The following HMGCLL1 variants were observed in gnomAD, a reference collection of about 807,000 sequenced individuals.
The protein encoded by HMGCLL1 is 3-hydroxymethyl-3-methylglutaryl-CoA lyase, cytoplasmic.
Under a neutral mutation model 39.1 loss-of-function variants are expected in HMGCLL1, and 36 were observed. The ratio of observed to expected loss-of-function variants is 0.92; its 90% CI spans 0.71 to 1.22. The LOEUF (loss-of-function observed/expected upper bound fraction) is 1.22. HMGCLL1 is among the 50% of genes most tolerant of loss of function. The pLI, the probability that HMGCLL1 is intolerant of heterozygous loss-of-function variation, is 0.00. For missense variants in HMGCLL1, 451 were observed against 416.5 expected (o/e 1.08, Z -0.72); for synonymous variants, 149 against 144.0 (o/e 1.03, Z -0.25).
intron 7 of HMGCLL1, among the ~76,000 whole-genome samples, chr6:55,465,710 T>G (rs1764769839): frequency 6.6e-6 from 1 of 152,130 alleles, no homozygotes; most frequent in African/African-American, 2.4e-5. Flanking sequence ...AAGAAATATT[T>G]TTCTCCTCTA....
At position 55,434,972 on chromosome 6, in the gene HMGCLL1, A is replaced by G. The variant is rs16886733; in HGVS notation, c.*690T>C. ...GAGTAACACCATGCTGGTTTTTACT[A>G]TAACTGATGACAGGTAAAGTGTGGT... On this transcript the variant is annotated 3_prime_UTR_variant, in exon 9 of 9. Coordinates refer to ENST00000274901, the MANE Select transcript of HMGCLL1 (RefSeq NM_001042406.2). 2.8e-4 allele frequency: 42 copies of G among 152,436 alleles called. No individual in the cohort carries two copies. Among genetic ancestry groups the G allele is most frequent in the African/African-American group, 9.4e-4 (39 of 41,444 alleles). 9.4% of individuals were successfully genotyped at this position (152,436 alleles called of 1,614,324 possible). A position where few individuals can be genotyped will look rare whatever the true frequency, so the allele number is the denominator to read the frequency against.
chr6:55,598,107 G>T, the HMGCLL1 span, among the ~76,000 whole-genome samples: 1 of 151,992 alleles, frequency 6.6e-6, no homozygotes, highest in Admixed American at 6.6e-5. Flanking sequence ...CTCATCAGTG[G>T]ATGTGTTCAA....
chr6:55,674,471 T>C, the HMGCLL1 span, among the ~76,000 whole-genome samples: 1 of 151,934 alleles, frequency 6.6e-6, no homozygotes, highest in Non-Finnish European at 1.5e-5. Context: ...CAACTAACTT[T>C]AAAATATGCA....
upstream of HMGCLL1, chr6:55,579,286 G>A: frequency 1.7e-6 from 1 of 584,924 alleles, no homozygotes; most frequent in Non-Finnish European, 3.1e-6. Flanking sequence ...GGAATCGACA[G>A]AAATGCCGAG....
At chr6:55,630,557 G>C in the HMGCLL1 span, among the ~76,000 whole-genome samples, 215 of 152,144 alleles carry the variant, frequency 1.4e-3, no homozygotes, top group African/African-American at 4.9e-3. Flanking sequence ...AGATTTGGGA[G>C]GGGCCAGGGG....
chr6:55,672,046 G>A, the HMGCLL1 span, among the ~76,000 whole-genome samples: 1 of 151,738 alleles, frequency 6.6e-6, no homozygotes, highest in Admixed American at 6.6e-5. Flanking sequence ...CCTCTGGGAA[G>A]AGGAACAGGG....
the HMGCLL1 span, among the ~76,000 whole-genome samples, chr6:55,616,026 A>G: frequency 6.6e-6 from 1 of 152,130 alleles, no homozygotes; most frequent in African/African-American, 2.4e-5. Flanking sequence ...GAAAATATTT[A>G]TATAATATGA....
the HMGCLL1 span, among the ~76,000 whole-genome samples, chr6:55,637,264 A>T: frequency 1.3e-5 from 2 of 152,166 alleles, no homozygotes; most frequent in East Asian, 3.9e-4. Flanking sequence ...CCTCTGAGCA[A>T]TGGTAGATTA....
the HMGCLL1 span, among the ~76,000 whole-genome samples, chr6:55,646,605 T>C: frequency 2.1e-4 from 32 of 151,972 alleles, no homozygotes; most frequent in Non-Finnish European, 2.9e-5. Context: ...CATCATAATT[T>C]GTTTCAAGAA....
At chr6:55,590,536 C>T in the HMGCLL1 span, among the ~76,000 whole-genome samples, 1 of 151,884 alleles carries the variant, frequency 6.6e-6, no homozygotes, top group Non-Finnish European at 1.5e-5. Context: ...GCAACAAAAG[C>T]CAAAATTGAC....
chr6:55,492,687 C>T (rs1290677080), intron 7 of HMGCLL1, among the ~76,000 whole-genome samples: 1 of 152,312 alleles, frequency 6.6e-6, no homozygotes, highest in Middle Eastern at 3.4e-3. Context: ...CTTCTCCGGC[C>T]TCATATCATG....
chr6:55,634,945 T>C, the HMGCLL1 span, among the ~76,000 whole-genome samples: 1 of 152,132 alleles, frequency 6.6e-6, no homozygotes, highest in South Asian at 2.1e-4. Flanking sequence ...TTATTATTGG[T>C]TAAGGCACAC....
At chr6:55,590,043 A>G in the HMGCLL1 span, among the ~76,000 whole-genome samples, 1,381 of 152,254 alleles carry the variant, frequency 9.1e-3, 11 homozygotes, top group Non-Finnish European at 0.014. Flanking sequence ...ACAGAATTGA[A>G]AAAAACTACT....
At chr6:55,613,989 CTAATATTA>C in the HMGCLL1 span, among the ~76,000 whole-genome samples, 1 of 151,944 alleles carries the variant, frequency 6.6e-6, no homozygotes, top group Non-Finnish European at 1.5e-5. Context: ...ATGAATAAAA[CTAATATTA>C]TATTCTGAAC....
At chr6:55,650,121 A>ATC in the HMGCLL1 span, among the ~76,000 whole-genome samples, 1 of 81,422 alleles carries the variant, frequency 1.2e-5, no homozygotes, top group African/African-American at 5.7e-5. Context: ...ATATATATAT[A>ATC]TATATATATA....
At chr6:55,653,768 G>A in the HMGCLL1 span, among the ~76,000 whole-genome samples, 7 of 151,900 alleles carry the variant, frequency 4.6e-5, no homozygotes, top group East Asian at 1.9e-4. Context: ...TCTGGGAAGC[G>A]CCTTGGGAAG....
chr6:55,673,037 AAAG>A, the HMGCLL1 span, among the ~76,000 whole-genome samples: 1 of 151,902 alleles, frequency 6.6e-6, no homozygotes, highest in Admixed American at 6.6e-5. Context: ...GGAGAAATAA[AAAG>A]AAGTCCCTTA....
the HMGCLL1 span, among the ~76,000 whole-genome samples, chr6:55,655,544 A>ATAGATAGG: frequency 6.6e-6 from 1 of 151,034 alleles, no homozygotes; most frequent in African/African-American, 2.4e-5. Flanking sequence ...TGGTAGATAG[A>ATAGATAGG]TAGATAGATA....
chr6:55,509,825 T>A (rs1452703803), intron 5 of HMGCLL1, among the ~76,000 whole-genome samples: 1 of 151,852 alleles, frequency 6.6e-6, no homozygotes, highest in Non-Finnish European at 1.5e-5. Context: ...TTTCCCTGTT[T>A]TTGCATAAGA....
Sources: gnomAD v4.1 joint callset for allele counts (sites outside exome capture counted in the v4.1 genomes callset) on GRCh38, gnomAD v4.1.1 for gene constraint, MANE v1.5 for transcripts, NCBI Gene and HGNC (gene_info 2026-07-23, HGNC 2026-07-21) for gene names.